ABCA10: variants seen among roughly 807,000 people sequenced by gnomAD.
ABCA10 encodes ATP-binding cassette sub-family A member 10.
In ABCA10, 169 loss-of-function variants were observed where a neutral mutation model predicts 187.5. The observed-to-expected ratio is 0.90, with a 90% CI of 0.80 to 1.02. The LOEUF is 1.02. Among genes scored for constraint, ABCA10 ranks in the 50% least tolerant of loss-of-function variants. ABCA10 has a pLI of 0.00. For missense variants in ABCA10, 1,727 were observed against 1,812.4 expected (o/e 0.95, Z 0.86); for synonymous variants, 574 against 601.8 (o/e 0.95, Z 0.68).
At chr17:69,150,153 T>C (rs1487180093) in intron 36 of ABCA10, 90 bp from the exon 37 acceptor site, 1 of 900,428 alleles carries the variant, frequency 1.1e-6, no homozygotes, top group East Asian at 2.6e-5. Context: ...AATTTTTCAA[T>C]GTGTTCTTTA....
intron 1 of ABCA10, among the ~76,000 whole-genome samples, chr17:69,235,959 C>T (rs936929026): frequency 6.6e-6 from 1 of 152,106 alleles, no homozygotes; most frequent in African/African-American, 2.4e-5. Context: ...CAAAAGAAAA[C>T]TTCCAGTGGC....
intron 22 of ABCA10, among the ~76,000 whole-genome samples, chr17:69,178,610 T>A (rs970379629): frequency 2.0e-5 from 3 of 152,164 alleles, no homozygotes; most frequent in African/African-American, 7.2e-5. Context: ...GAGGTGTCCC[T>A]GAGAAAGGAT....
At chr17:69,211,602 C>T (rs933182446) in intron 9 of ABCA10, among the ~76,000 whole-genome samples, 17 of 151,424 alleles carry the variant, frequency 1.1e-4, no homozygotes, top group Non-Finnish European at 2.4e-4. Flanking sequence ...ATGAATCCAT[C>T]TGTTCCTGGA....
chr17:69,220,860 C>T (rs555414021), intron 5 of ABCA10, among the ~76,000 whole-genome samples: 43 of 152,266 alleles, frequency 2.8e-4, no homozygotes, highest in African/African-American at 9.1e-4. Flanking sequence ...TTATCTACAG[C>T]GGCTTTCATA....
chr17:69,174,293 A>T lies in ABCA10; in HGVS notation c.3150T>A (p.Phe1050Leu), dbSNP rs1297827684. The change falls in exon 25 of 39, where the codon TTT (phenylalanine) becomes TTA (leucine). Residue 1050 changes from phenylalanine to leucine, a missense_variant. Phe to Leu is a conservative substitution (Grantham distance 22). Coordinates refer to ENST00000690296, the MANE Select transcript of ABCA10 (RefSeq NM_001377321.1). ...KWRKNNGFWS[F>L]GFFIILICVS... ...TATATATACTTACAATAAAAAAGCC[A>T]AAAGACCAAAAGCCATTATTTTTTC... 6.3e-7 allele frequency: 1 copy of T among 1,598,476 alleles called. No individual in the cohort carries two copies. Among genetic ancestry groups the T allele is most frequent in the East Asian group, 2.2e-5 (1 of 44,746 alleles).
intron 22 of ABCA10, among the ~76,000 whole-genome samples, chr17:69,179,542 T>C (rs921018405): frequency 1.3e-5 from 2 of 152,126 alleles, no homozygotes; most frequent in African/African-American, 4.8e-5. Flanking sequence ...CTCAGCTCCA[T>C]TTCTATTTAC....
intron 11 of ABCA10, among the ~76,000 whole-genome samples, chr17:69,195,544 T>C (rs1304479642): frequency 1.4e-5 from 2 of 139,056 alleles, no homozygotes; most frequent in East Asian, 4.2e-4. Flanking sequence ...TATCAAACAA[T>C]GAAGTTTTTC....
In ABCA10 at chr17:69,187,676, C is replaced by G; in HGVS notation, c.2330+5G>C. 6.2e-7 allele frequency: 1 copy of G among 1,612,616 alleles called. No individual in the cohort carries two copies. The highest frequency in any genetic ancestry group is 8.5e-7 in the Non-Finnish European group (1 of 1,178,932). On this transcript the variant is annotated splice_donor_5th_base_variant and intron_variant, in intron 19 of 38. Coordinates refer to ENST00000690296, the MANE Select transcript of ABCA10 (RefSeq NM_001377321.1). ...CAAATAGATATAAAGTAATCTGATACTCACAAACACAAAAGAGCTCTCCTT... is the reference window on the plus strand; with the variant it reads ...CAAATAGATATAAAGTAATCTGATAGTCACAAACACAAAAGAGCTCTCCTT...
chr17:69,164,759 T>A (rs536154935), intron 26 of ABCA10, among the ~76,000 whole-genome samples: 81 of 152,290 alleles, frequency 5.3e-4, no homozygotes, highest in African/African-American at 1.9e-3. Flanking sequence ...CTGCATGGAT[T>A]GACCCTCTTC....
rs1426505709 is a variant in ABCA10, at chr17:69,222,617, T to C, written c.115A>G (p.Ile39Val). 4 of 1,603,140 alleles carry C rather than the reference T, an allele frequency of 2.5e-6. No homozygotes were observed. Among genetic ancestry groups the C allele is most frequent in the Non-Finnish European group, 3.4e-6 (4 of 1,177,580 alleles). ...CGATATGAGAAAGTATCACTAAATATAACTCCCACCATTTCATGGTATTTT... is the reference window on the plus strand; with the variant it reads ...CGATATGAGAAAGTATCACTAAATACAACTCCCACCATTTCATGGTATTTT... ...PKKYHEMVGVIFSDTFSYRLK... is the reference protein window; with the variant it reads ...PKKYHEMVGVVFSDTFSYRLK... The change falls in exon 4 of 39, where the codon ATA (isoleucine) becomes GTA (valine). Residue 39 changes from isoleucine (I) to valine (V), a missense_variant. Physicochemically the swap from Ile to Val is conservative, Grantham distance 29. Transcript: ENST00000690296.
Position 69,148,543 on chromosome 17 carries a change from T to A in ABCA10, c.*284A>T, listed in dbSNP as rs1974577. On this transcript the variant is annotated 3_prime_UTR_variant, in exon 39 of 39. Coordinates refer to ENST00000690296, the MANE Select transcript of ABCA10 (RefSeq NM_001377321.1). Reference sequence around the variant, plus strand: ...TGTTAGCTTTATTGATAATAACCGATAACCAACCTAATATTGTATGATTTT... The same window carrying A: ...TGTTAGCTTTATTGATAATAACCGAAAACCAACCTAATATTGTATGATTTT... 178,042 of 246,236 alleles carry A rather than the reference T, an allele frequency of 0.72. 65,390 individuals are homozygous for A. Among genetic ancestry groups the A allele is most frequent in the African/African-American group, 0.83 (36,450 of 44,014 alleles). The allele number at this position is 246,236 out of a possible 1,614,324, so 15.3% of individuals were successfully genotyped here. A position where few individuals can be genotyped will look rare whatever the true frequency, so the allele number is the denominator to read the frequency against.
In ABCA10 at chr17:69,150,028, T is replaced by A; in HGVS notation, c.4433A>T (p.Glu1478Val). Residue 1478 changes from glutamate to valine, a missense_variant, in exon 37 of 39, where the codon GAG becomes GTG. Glu to Val is a moderately radical substitution (Grantham distance 121). Transcript: ENST00000690296. ...GGCCCGAGATAGAGGGTGGACATCC[T>A]CCACAGGTAACTTATACGCCATTAA... Reference protein sequence around the residue: ...SSLMAYKLPVEDVHPLSRAFF... With the variant: ...SSLMAYKLPVVDVHPLSRAFF... 1 of 1,613,266 alleles carries A rather than the reference T, an allele frequency of 6.2e-7. No individual in the cohort carries two copies. Among genetic ancestry groups the A allele is most frequent in the Non-Finnish European group, 8.5e-7 (1 of 1,179,454 alleles).
Position 69,219,637 on chromosome 17 carries a change from A to C in ABCA10, c.438T>G (p.Ser146=), listed in dbSNP as rs570680394. The C allele has an allele frequency of 5.0e-6, 8 of 1,611,086 alleles. No individual in the cohort carries two copies. In the South Asian group the frequency reaches 5.6e-5, roughly 11 times the overall value. ...CATTTAATGATGCAAAGTATATAAA[A>C]GAAGAGAAAGAAACTAAGCAAGTAA... ...FHFTCLVSFS[S]FIYFASLNVA... Residue 146 remains serine (S), a synonymous_variant, in exon 6 of 39, where the codon TCT becomes TCG. Coordinates refer to ENST00000690296, the MANE Select transcript of ABCA10 (RefSeq NM_001377321.1).
chr17:69,216,499 AT>A, intron 6 of ABCA10, 141 bp from the exon 7 acceptor site: 1 of 902,062 alleles, frequency 1.1e-6, no homozygotes. Flanking sequence ...TTTTGTGACT[AT>A]TAGCAAGTTA....
At chr17:69,192,428 C>T (rs763373883) in intron 16 of ABCA10, 135 bp downstream of exon 16, 4 of 664,622 alleles carry the variant, frequency 6.0e-6, no homozygotes, top group Non-Finnish European at 7.5e-6. Context: ...ATGAGGAAGA[C>T]ATTTTGAGCT....
intron 9 of ABCA10, among the ~76,000 whole-genome samples, chr17:69,211,327 ATAT>A (rs2074651605): frequency 3.0e-5 from 1 of 33,068 alleles, no homozygotes; most frequent in East Asian, 5.0e-4. Context: ...ATATATATAT[ATAT>A]ATATATATAT....
chr17:69,201,022 T>C (rs898208554), intron 10 of ABCA10, among the ~76,000 whole-genome samples: 1 of 152,176 alleles, frequency 6.6e-6, no homozygotes, highest in Non-Finnish European at 1.5e-5. Context: ...CATATATTCT[T>C]AGAAATGAAT....
chr17:69,163,716 A>G (rs2074235584), intron 27 of ABCA10, among the ~76,000 whole-genome samples: 1 of 152,298 alleles, frequency 6.6e-6, no homozygotes, highest in East Asian at 1.9e-4. Context: ...ATTTCATTTA[A>G]TCTTTCTCCT....
At chr17:69,212,505 GTTTC>G (rs1409152970) in intron 9 of ABCA10, among the ~76,000 whole-genome samples, 3 of 152,150 alleles carry the variant, frequency 2.0e-5, no homozygotes, top group Admixed American at 1.3e-4. Context: ...TAAGACCATT[GTTTC>G]TTTGTTAACT....
Sources: gnomAD v4.1 joint callset for allele counts (sites outside exome capture counted in the v4.1 genomes callset) on GRCh38, gnomAD v4.1.1 for gene constraint, MANE v1.5 for transcripts, NCBI Gene and HGNC (gene_info 2026-07-23, HGNC 2026-07-21) for gene names.